MAPK10: variants seen among roughly 807,000 people sequenced by gnomAD.
MAPK10 encodes mitogen-activated protein kinase 10, also known as JNK3 alpha protein kinase.
Under a neutral mutation model 59.3 loss-of-function variants are expected in MAPK10, and 25 were observed. The ratio of observed to expected loss-of-function variants is 0.42; its 90% confidence interval spans 0.31 to 0.59. The LOEUF (loss-of-function observed/expected upper bound fraction) is 0.59. Among genes scored for constraint, MAPK10 ranks in the 20% least tolerant of loss-of-function variants. The pLI is 0.15. For missense variants in MAPK10, 351 were observed against 568.9 expected (o/e 0.62, Z 3.90); for synonymous variants, 190 against 200.5 (o/e 0.95, Z 0.44).
intron 1 of MAPK10, among the ~76,000 whole-genome samples, chr4:86,503,156 C>A (rs909611708): frequency 1.3e-5 from 2 of 152,114 alleles, no homozygotes; most frequent in African/African-American, 4.8e-5. Flanking sequence ...CAAACTCATT[C>A]TGTTCCTGAT....
At chr4:86,395,488 T>C (rs1742787782) in intron 1 of MAPK10, among the ~76,000 whole-genome samples, 1 of 152,216 alleles carries the variant, frequency 6.6e-6, no homozygotes, top group Non-Finnish European at 1.5e-5. Context: ...ATGCATGATG[T>C]AACTGAATCA....
At chr4:86,524,309 T>C (rs1244722469) in intron 1 of MAPK10, among the ~76,000 whole-genome samples, 1 of 152,212 alleles carries the variant, frequency 6.6e-6, no homozygotes, top group African/African-American at 2.4e-5. Context: ...CTAACTCTCC[T>C]CCTAGCTTTC....
At chr4:86,151,879 T>G (rs1156654625) in intron 4 of MAPK10, 1 of 152,268 alleles carries the variant, frequency 6.6e-6, no homozygotes, top group Non-Finnish European at 1.5e-5. Flanking sequence ...CCAGATGTAT[T>G]AGATCTTCTG....
intron 2 of MAPK10, among the ~76,000 whole-genome samples, chr4:86,204,948 G>T (rs1193198007): frequency 1.3e-5 from 2 of 151,972 alleles, no homozygotes; most frequent in Non-Finnish European, 2.9e-5. Context: ...CAGAACTGCT[G>T]AGATGGAATA....
intron 1 of MAPK10, among the ~76,000 whole-genome samples, chr4:86,478,691 A>G (rs1178018373): frequency 6.6e-6 from 1 of 151,940 alleles, no homozygotes; most frequent in Admixed American, 6.6e-5. Context: ...CCCCATGACT[A>G]TATCTCTCTG....
At chr4:86,048,083 T>C (rs1353262310) in intron 11 of MAPK10, among the ~76,000 whole-genome samples, 2 of 152,070 alleles carry the variant, frequency 1.3e-5, no homozygotes, top group East Asian at 3.9e-4. Context: ...TTAAATAAGA[T>C]TGGATATCAG....
chr4:86,145,361 C>CAAAAAA, intron 4 of MAPK10, among the ~76,000 whole-genome samples: 1 of 55,328 alleles, frequency 1.8e-5, no homozygotes, highest in Non-Finnish European at 3.7e-5. Context: ...GACACCGTCT[C>CAAAAAA]AAAAAAAAAA....
chr4:86,567,661 T>C (rs563733151), intron 1 of MAPK10, among the ~76,000 whole-genome samples: 2 of 152,316 alleles, frequency 1.3e-5, no homozygotes, highest in South Asian at 4.1e-4. Flanking sequence ...ACCCCTTAAA[T>C]TTATACAAAT....
At chr4:86,074,490 G>A (rs1464043776) in intron 9 of MAPK10, among the ~76,000 whole-genome samples, 5 of 146,014 alleles carry the variant, frequency 3.4e-5, no homozygotes, top group South Asian at 2.2e-4. Context: ...TCCTAGTCTC[G>A]ATGGTCTTTA....
At chr4:86,045,572 C>G (rs905094784) in intron 11 of MAPK10, among the ~76,000 whole-genome samples, 3 of 152,070 alleles carry the variant, frequency 2.0e-5, no homozygotes, top group African/African-American at 7.2e-5. Flanking sequence ...ACACTGCAGA[C>G]AGTGGCCCTT....
At chr4:86,384,919 C>A (rs1741267049) in intron 1 of MAPK10, among the ~76,000 whole-genome samples, 1 of 151,990 alleles carries the variant, frequency 6.6e-6, no homozygotes, top group African/African-American at 2.4e-5. Flanking sequence ...TACATCTAAA[C>A]AGATATGATA....
intron 3 of MAPK10, among the ~76,000 whole-genome samples, chr4:86,181,802 T>C (rs1270683097): frequency 6.6e-6 from 1 of 152,100 alleles, no homozygotes; most frequent in Non-Finnish European, 1.5e-5. Context: ...AAGAATGCGG[T>C]AAGTGCTGTA....
At chr4:86,337,244 C>G (rs914899264) in intron 2 of MAPK10, among the ~76,000 whole-genome samples, 1 of 152,100 alleles carries the variant, frequency 6.6e-6, no homozygotes, top group Non-Finnish European at 1.5e-5. Flanking sequence ...TTTCAGATTA[C>G]CTTTACCTCT....
At chr4:86,245,899 C>T (rs184451851) in intron 2 of MAPK10, among the ~76,000 whole-genome samples, 7 of 152,140 alleles carry the variant, frequency 4.6e-5, no homozygotes, top group African/African-American at 1.4e-4. Flanking sequence ...AAATATATTA[C>T]TCAAAATTAT....
At chr4:86,085,770 A>G (rs1392840981) in intron 9 of MAPK10, among the ~76,000 whole-genome samples, 2 of 152,232 alleles carry the variant, frequency 1.3e-5, no homozygotes, top group African/African-American at 2.4e-5. Flanking sequence ...GGAAATCAGT[A>G]TATCGAAGAG....
At chr4:86,225,693 T>G (rs1010332308) in intron 2 of MAPK10, among the ~76,000 whole-genome samples, 1 of 152,182 alleles carries the variant, frequency 6.6e-6, no homozygotes, top group Non-Finnish European at 1.5e-5. Context: ...ATATATCACT[T>G]ATTGCTATTT....
chr4:86,198,445 G>A (rs953158966), intron 2 of MAPK10, among the ~76,000 whole-genome samples: 16 of 152,054 alleles, frequency 1.1e-4, no homozygotes, highest in African/African-American at 3.9e-4. Context: ...GAGTAATAAA[G>A]ACCCTCGTAT....
rs1293409499 is a variant in MAPK10 at position 86,166,316 on chromosome 4, T to A, written c.67-6849A>T. ...GCAAGTTCTTTATAATATTAGCCCT[T>A]GTTTCTTTAGTTGTAGAATGAGGGC... is the stretch of plus-strand genomic sequence containing the variant. On this transcript the variant is annotated intron_variant, in intron 3 of 13. Transcript: ENST00000641462. Among the ~76,000 whole-genome samples, 3 of 152,362 alleles carry A rather than the reference T, an allele frequency of 2.0e-5. No homozygotes were observed. In the South Asian group the frequency reaches 6.2e-4, roughly 32 times the overall value.
intron 3 of MAPK10, among the ~76,000 whole-genome samples, chr4:86,167,308 A>C (rs1413617385): frequency 6.6e-6 from 1 of 152,236 alleles, no homozygotes; most frequent in African/African-American, 2.4e-5. Flanking sequence ...ATCTGGTATC[A>C]TTCCTTCTGA....
Sources: allele counts gnomAD v4.1 joint callset (sites outside exome capture counted in the v4.1 genomes callset), GRCh38; gene constraint gnomAD v4.1.1; transcripts MANE v1.5; gene names NCBI Gene and HGNC (gene_info 2026-07-23, HGNC 2026-07-21).